PACRG: variants seen among roughly 807,000 people sequenced by gnomAD.
PACRG encodes parkin coregulated.
A neutral mutation model predicts 29.7 loss-of-function variants in PACRG; 29 were observed. That is an observed-to-expected ratio of 0.98 (90% CI 0.73 to 1.33). PACRG has a LOEUF of 1.33. Ranked by LOEUF, PACRG falls within the 40% of genes most tolerant of loss-of-function variation. The pLI, the probability that PACRG is intolerant of heterozygous loss-of-function variation, is 0.00. For synonymous variants in PACRG, 116 were observed against 118.7 expected, an observed-to-expected ratio of 0.98 and a Z score of 0.15; for missense variants, 279 against 316.2, an observed-to-expected ratio of 0.88 and a Z score of 0.89.
intron 4 of PACRG, among the ~76,000 whole-genome samples, chr6:163,240,078 C>G (rs954300207): frequency 7.2e-6 from 1 of 138,706 alleles, no homozygotes; most frequent in Non-Finnish European, 1.7e-5. Flanking sequence ...ACCTCCACCC[C>G]CCCACACACA....
At chr6:163,138,946 G>A (rs1020368620) in intron 4 of PACRG, among the ~76,000 whole-genome samples, 3 of 152,222 alleles carry the variant, frequency 2.0e-5, no homozygotes, top group Non-Finnish European at 4.4e-5. Context: ...CATCCAAAAT[G>A]AGTGTTAGAA....
intron 2 of PACRG, among the ~76,000 whole-genome samples, chr6:162,995,624 G>A (rs918297492): frequency 2.0e-5 from 3 of 152,204 alleles, no homozygotes; most frequent in East Asian, 1.9e-4. Context: ...GCACCCACTG[G>A]CCTGCGCCCA....
At chr6:163,306,282 G>A (rs563815944) in intron 4 of PACRG, among the ~76,000 whole-genome samples, 5 of 152,174 alleles carry the variant, frequency 3.3e-5, no homozygotes, top group African/African-American at 1.2e-4. Context: ...TTTTTTTGAA[G>A]CACTCTGTTC....
intron 2 of PACRG, among the ~76,000 whole-genome samples, chr6:162,919,880 A>AAT (rs1406568315): frequency 6.6e-6 from 1 of 152,114 alleles, no homozygotes; most frequent in Non-Finnish European, 1.5e-5. Context: ...CAATATATTA[A>AAT]ATATATATAA....
At chr6:162,851,185 G>C (rs943982469) in intron 2 of PACRG, among the ~76,000 whole-genome samples, 1 of 152,126 alleles carries the variant, frequency 6.6e-6, no homozygotes, top group Non-Finnish European at 1.5e-5. Context: ...GTCCAGCTGC[G>C]GCTGGTAGAT....
chr6:162,921,482 T>A (rs1159628259), intron 2 of PACRG, among the ~76,000 whole-genome samples: 5 of 152,170 alleles, frequency 3.3e-5, no homozygotes, highest in African/African-American at 1.2e-4. Context: ...GTGTTTTGCT[T>A]CCTCTTCTTG....
intron 2 of PACRG, among the ~76,000 whole-genome samples, chr6:162,923,284 C>T (rs1164454725): frequency 3.3e-5 from 5 of 152,168 alleles, no homozygotes; most frequent in Non-Finnish European, 5.9e-5. Flanking sequence ...CGTCCCTTGT[C>T]AGATGAATAG....
intron 2 of PACRG, among the ~76,000 whole-genome samples, chr6:162,933,252 T>G (rs1402361813): frequency 6.6e-6 from 1 of 152,146 alleles, no homozygotes; most frequent in Admixed American, 6.5e-5. Flanking sequence ...TGTTGAGACT[T>G]GTTTTGTGGC....
At chr6:163,056,907 T>C (rs1474707932) in intron 2 of PACRG, among the ~76,000 whole-genome samples, 1 of 152,168 alleles carries the variant, frequency 6.6e-6, no homozygotes, top group Non-Finnish European at 1.5e-5. Flanking sequence ...TGTCAAACTT[T>C]AGCAGCAGTG....
At chr6:163,093,756 T>C (rs546888306) in intron 4 of PACRG, among the ~76,000 whole-genome samples, 1 of 152,352 alleles carries the variant, frequency 6.6e-6, no homozygotes, top group South Asian at 2.1e-4. Context: ...TGAAATATCC[T>C]GTCCCCACGT....
intron 2 of PACRG, chr6:162,997,470 T>G (rs1317613232): frequency 4.4e-6 from 2 of 451,058 alleles, no homozygotes; most frequent in Non-Finnish European, 8.9e-6. Context: ...TGAAAACTAC[T>G]GACAGACGGC....
chr6:162,857,686 A>C (rs920475840), intron 2 of PACRG, among the ~76,000 whole-genome samples: 1 of 152,166 alleles, frequency 6.6e-6, no homozygotes, highest in African/African-American at 2.4e-5. Context: ...TATTTGAAAA[A>C]TGCTTAGTAA....
chr6:162,989,888 C>G (rs61373675), intron 2 of PACRG, among the ~76,000 whole-genome samples: 14,386 of 151,958 alleles, frequency 0.095, 1,955 homozygotes, highest in African/African-American at 0.3. Flanking sequence ...TCCCTCCCCG[C>G]TCCCCCGACC....
intron 2 of PACRG, among the ~76,000 whole-genome samples, chr6:162,894,306 A>AT (rs1795001351): frequency 6.6e-6 from 1 of 152,236 alleles, no homozygotes; most frequent in African/African-American, 2.4e-5. Flanking sequence ...ACAGATGGAA[A>AT]AATGCTGATA....
At chr6:162,807,506 G>A (rs1377531170) in intron 1 of PACRG, among the ~76,000 whole-genome samples, 1 of 152,104 alleles carries the variant, frequency 6.6e-6, no homozygotes, top group African/African-American at 2.4e-5. Flanking sequence ...TCTGTCTCGG[G>A]AAATAGGGAG....
chr6:162,923,882 TA>T (rs1333545877), intron 2 of PACRG, among the ~76,000 whole-genome samples: 1 of 152,130 alleles, frequency 6.6e-6, no homozygotes, highest in African/African-American at 2.4e-5. Flanking sequence ...TGGTTCCATA[TA>T]AATTTTATGA....
chr6:163,287,922 A>G (rs1343496509), intron 4 of PACRG, among the ~76,000 whole-genome samples: 2 of 152,176 alleles, frequency 1.3e-5, no homozygotes, highest in Non-Finnish European at 2.9e-5. Context: ...CAGAAACACC[A>G]CAGAAGAAGC....
chr6:162,861,586 C>T (rs559796010), intron 2 of PACRG, among the ~76,000 whole-genome samples: 2 of 152,048 alleles, frequency 1.3e-5, no homozygotes, highest in Non-Finnish European at 2.9e-5. Context: ...TGAGTGAAGT[C>T]GTCAACACAA....
chr6:162,779,397 G>C (rs535965973), intron 1 of PACRG, among the ~76,000 whole-genome samples: 4 of 152,104 alleles, frequency 2.6e-5, no homozygotes, highest in Admixed American at 2.0e-4. Context: ...GGTTGACCTG[G>C]TTACAAGAAA....
Sources: gnomAD v4.1 joint callset for allele counts (sites outside exome capture counted in the v4.1 genomes callset) on GRCh38, gnomAD v4.1.1 for gene constraint, MANE v1.5 for transcripts, NCBI Gene and HGNC (gene_info 2026-07-23, HGNC 2026-07-21) for gene names.